The following NVL variants were observed in gnomAD, a reference collection of about 807,000 sequenced individuals.
NVL encodes nuclear VCP like.
A neutral mutation model predicts 110.2 loss-of-function variants in NVL; 84 were observed. That is an observed-to-expected ratio of 0.76 (90% CI 0.64 to 0.91). NVL has a LOEUF of 0.91. Ranked by LOEUF, NVL falls within the 40% of genes least tolerant of loss-of-function variation. The probability of loss-of-function intolerance (pLI) is 0.00; values close to 1 mark genes in which losing one functional copy is unlikely to be tolerated. For missense variants in NVL, 882 were observed against 1,035.9 expected, an observed-to-expected ratio of 0.85 and a Z score of 2.04; for synonymous variants, 354 against 361.1, an observed-to-expected ratio of 0.98 and a Z score of 0.22.
chr1:224,274,599 G>A (rs1020871349), intron 17 of NVL, among the ~76,000 whole-genome samples: 6 of 152,052 alleles, frequency 3.9e-5, no homozygotes, highest in African/African-American at 1.2e-4. Flanking sequence ...ATGCACCATT[G>A]CACTCCAGCC....
chr1:224,326,605 G>T, intron 1 of NVL, 141 bp from the exon 2 acceptor site: 2 of 560,508 alleles, frequency 3.6e-6, no homozygotes, highest in Non-Finnish European at 6.3e-6. Context: ...ATAAATAAAA[G>T]TAACCAAATA....
intron 4 of NVL, among the ~76,000 whole-genome samples, chr1:224,317,101 T>C (rs938769453): frequency 1.4e-5 from 2 of 146,498 alleles, no homozygotes; most frequent in African/African-American, 5.1e-5. Context: ...ATGGTGCCAC[T>C]GCACTCCAGC....
At chr1:224,252,835 T>C (rs1662656648) in intron 18 of NVL, among the ~76,000 whole-genome samples, 1 of 152,234 alleles carries the variant, frequency 6.6e-6, no homozygotes, top group African/African-American at 2.4e-5. Flanking sequence ...GAGGACTCCT[T>C]TGTAACCTTT....
intron 5 of NVL, among the ~76,000 whole-genome samples, chr1:224,309,472 C>CCACG (rs1669300416): frequency 6.7e-6 from 1 of 150,248 alleles, no homozygotes; most frequent in Non-Finnish European, 1.5e-5. Flanking sequence ...TGAGCTAGGA[C>CCACG]CATGCCACTG....
At chr1:224,231,458 T>C (rs1659867075) in intron 21 of NVL, among the ~76,000 whole-genome samples, 162 bp from the exon 22 acceptor site, 1 of 152,210 alleles carries the variant, frequency 6.6e-6, no homozygotes. Flanking sequence ...TAGCCAGATA[T>C]ATTCTGCTCA....
intron 2 of NVL, among the ~76,000 whole-genome samples, chr1:224,321,909 T>A (rs566989888): frequency 6.6e-6 from 1 of 152,156 alleles, no homozygotes; most frequent in Non-Finnish European, 1.5e-5. Context: ...ATTATAGACA[T>A]GGCAGGGGGA....
At chr1:224,257,182 C>A (rs745541662) in intron 18 of NVL, 1 of 495,080 alleles carries the variant, frequency 2.0e-6, no homozygotes, top group Non-Finnish European at 4.1e-6. Context: ...ACAATCCCAG[C>A]ACTTTAAAGA....
rs542416116 is a variant in NVL at position 224,242,417 on chromosome 1, A to G, written c.2290-5835T>C. ...TATATGTTATGAAATACTCAGGTTC[A>G]AAAAGTAATTCAAGATGTGCTACTA... On this transcript the variant is annotated intron_variant, in intron 19 of 22. Coordinates refer to ENST00000281701, the MANE Select transcript of NVL (RefSeq NM_002533.4). 7.0e-4 allele frequency among the ~76,000 whole-genome samples: 107 copies of G among 152,284 alleles called. 1 individual carries two copies. The highest frequency in any genetic ancestry group is 2.2e-3 in the African/African-American group (90 of 41,576).
In NVL at chr1:224,227,529, C is replaced by CG; in HGVS notation, c.*96dup. On this transcript the variant is annotated 3_prime_UTR_variant, in exon 23 of 23. Coordinates refer to ENST00000281701, the MANE Select transcript of NVL (RefSeq NM_002533.4). ...TGAAAATAAAATGTTTACATGAGGC[C>CG]GCGCCTGTGTCCAGCTGAAAGTGGG... 1 of 1,018,354 alleles carries CG rather than the reference C, an allele frequency of 9.8e-7. No homozygotes were observed. Among genetic ancestry groups the CG allele is most frequent in the South Asian group, 1.7e-5 (1 of 58,098 alleles). 63.1% of individuals were successfully genotyped at this position (1,018,354 alleles called of 1,614,324 possible).
intron 16 of NVL, among the ~76,000 whole-genome samples, chr1:224,278,066 C>G (rs767473870): frequency 4.6e-5 from 7 of 152,066 alleles, no homozygotes; most frequent in Non-Finnish European, 8.8e-5. Flanking sequence ...GTTTTAGATG[C>G]CACTTGGATG....
At chr1:224,259,965 C>T (rs1301081713) in intron 18 of NVL, among the ~76,000 whole-genome samples, 1 of 152,096 alleles carries the variant, frequency 6.6e-6, no homozygotes, top group African/African-American at 2.4e-5. Flanking sequence ...CCATCGCATC[C>T]AGCCGTAAAC....
intron 9 of NVL, among the ~76,000 whole-genome samples, chr1:224,303,435 C>CAAA (rs397967411): frequency 6.7e-5 from 7 of 105,196 alleles, no homozygotes; most frequent in African/African-American, 2.5e-4. Context: ...ACTCTGTCTC[C>CAAA]AAAAAAAAAA....
At position 224,231,396 on chromosome 1, in the gene NVL, A is replaced by T. The variant is rs112754419; in HGVS notation, c.2456-100T>A. On this transcript the variant is annotated intron_variant, in intron 21 of 22. Coordinates refer to ENST00000281701, the MANE Select transcript of NVL (RefSeq NM_002533.4). The stretch of plus-strand genomic sequence containing the variant: ...AGACTTCAAAACTTTCAAGGGGTCC[A>T]CTAAAGAGATCAGTGATGAGATGGG... 22 of 849,590 alleles carry T rather than the reference A, an allele frequency of 2.6e-5. No homozygotes were observed. In the African/African-American group the frequency reaches 3.0e-4, roughly 12 times the overall value. 52.6% of individuals were successfully genotyped at this position (849,590 alleles called of 1,614,324 possible). A position where few individuals can be genotyped will look rare whatever the true frequency, so the allele number is the denominator to read the frequency against.
intron 19 of NVL, among the ~76,000 whole-genome samples, chr1:224,239,785 T>C (rs183674686): frequency 2.6e-3 from 403 of 152,306 alleles, no homozygotes; most frequent in African/African-American, 9.5e-3. Flanking sequence ...TGTAATACCC[T>C]CAGTTTATAT....
chr1:224,288,068 G>A (rs35258025), intron 13 of NVL, 75 bp from the exon 14 acceptor site: 12,252 of 1,085,676 alleles, frequency 0.011, 96 homozygotes, highest in Non-Finnish European at 0.014. Flanking sequence ...TTTTCTACTT[G>A]TAAAAATTAT....
intron 9 of NVL, among the ~76,000 whole-genome samples, chr1:224,302,345 C>A (rs113375155): frequency 0.067 from 10,140 of 152,148 alleles, 436 homozygotes; most frequent in African/African-American, 0.11. Context: ...GGATTGCAGG[C>A]ATGCGCCACC....
chr1:224,228,077 GCTGA>G (rs1659387350), intron 22 of NVL: 1 of 152,504 alleles, frequency 6.6e-6, no homozygotes, highest in Non-Finnish European at 1.5e-5. Flanking sequence ...AGTAGCTCCT[GCTGA>G]CTAACTTACT....
intron 17 of NVL, 68 bp from the exon 18 acceptor site, chr1:224,268,201 TA>T: frequency 1.9e-6 from 2 of 1,077,780 alleles, no homozygotes; most frequent in South Asian, 2.7e-5. Flanking sequence ...TTCTTCCACA[TA>T]AAAATAATAC....
intron 16 of NVL, 89 bp downstream of exon 16, chr1:224,281,034 G>A: frequency 2.5e-6 from 3 of 1,188,746 alleles, no homozygotes; most frequent in Non-Finnish European, 3.7e-6. Flanking sequence ...TACCACAATT[G>A]CTGAAAGATC....
Sources: gnomAD v4.1 joint callset for allele counts (sites outside exome capture counted in the v4.1 genomes callset) on GRCh38, gnomAD v4.1.1 for gene constraint, MANE v1.5 for transcripts, NCBI Gene and HGNC (gene_info 2026-07-23, HGNC 2026-07-21) for gene names.